SAAL1: variants seen among roughly 807,000 people sequenced by gnomAD.
SAAL1 encodes serum amyloid A like 1.
A neutral mutation model predicts 59.8 loss-of-function variants in SAAL1; 42 were observed. That is an observed-to-expected ratio of 0.70 (90% CI 0.55 to 0.91). The LOEUF (loss-of-function observed/expected upper bound fraction) is 0.91, where lower values mean the gene tolerates loss of function less well. SAAL1 is among the 40% of genes least tolerant of loss of function. The probability of loss-of-function intolerance (pLI) is 0.00; values close to 1 mark genes in which losing one functional copy is unlikely to be tolerated. For missense variants in SAAL1, 542 were observed against 561.1 expected (o/e 0.97, Z 0.34); for synonymous variants, 191 against 194.3 (o/e 0.98, Z 0.14).
At position 18,103,271 on chromosome 11, in the gene SAAL1, T is replaced by C; in HGVS notation, c.211A>G (p.Asn71Asp). ...QLTELDEEME[N>D]EICRVWDMSM... ...ATATCCCATACTCTGCAAATTTCAT[T>C]CTCCATTTCTTCATCAAGCTCCGTC... is the stretch of plus-strand genomic sequence containing the variant. Residue 71 changes from asparagine to aspartate, a missense_variant, in exon 2 of 12, where the codon AAT becomes GAT. By Grantham distance (23) the Asn-to-Asp change is conservative. Transcript: ENST00000524803. 1 of 1,614,014 alleles carries C rather than the reference T, an allele frequency of 6.2e-7. No homozygotes were observed. The highest frequency in any genetic ancestry group is 1.1e-5 in the South Asian group (1 of 91,080).
intron 4 of SAAL1, 165 bp from the exon 5 acceptor site, chr11:18,090,658 C>A: frequency 4.0e-6 from 3 of 750,392 alleles, no homozygotes; most frequent in Non-Finnish European, 6.1e-6. Flanking sequence ...AGCAAACACT[C>A]GTGTTTCCAA....
chr11:18,081,624 C>G, intron 10 of SAAL1, 121 bp from the exon 11 acceptor site: 1 of 708,102 alleles, frequency 1.4e-6, no homozygotes, highest in Admixed American at 2.3e-5. Context: ...AAATGTCCCA[C>G]CTGAACCCAC....
At position 18,106,026 on chromosome 11, in the gene SAAL1, AG is replaced by A; in HGVS notation, c.15del (p.Ser6ArgfsTer21). On this transcript the variant is annotated frameshift_variant, in exon 1 of 12. Coordinates refer to ENST00000524803, the MANE Select transcript of SAAL1 (RefSeq NM_138421.3). LOFTEE classifies it high-confidence loss of function. ...TTGTCGCGACCCGGCGGCGGCGGCG[AG>A]GGGTTGCGGTCCATGACTTTGTCGC... MDRN[P>X]SPPPPGRDKE... is the part of the protein sequence containing the mutation. 2 of 1,548,270 alleles carry A rather than the reference AG, an allele frequency of 1.3e-6. No individual in the cohort carries two copies. Among genetic ancestry groups the A allele is most frequent in the Non-Finnish European group, 1.8e-6 (2 of 1,138,232 alleles).
intron 3 of SAAL1, among the ~76,000 whole-genome samples, chr11:18,094,251 T>C (rs1848550792): frequency 6.6e-6 from 1 of 152,144 alleles, no homozygotes; most frequent in Admixed American, 6.5e-5. Flanking sequence ...CAGGTTTGAA[T>C]GTGTGGGTCC....
intron 9 of SAAL1, among the ~76,000 whole-genome samples, chr11:18,085,108 C>T (rs1455077428): frequency 6.6e-6 from 1 of 152,130 alleles, no homozygotes; most frequent in Non-Finnish European, 1.5e-5. Context: ...AACAATGGAA[C>T]TCTAGGATTA....
chr11:18,103,875 T>G (rs575332047), intron 1 of SAAL1, among the ~76,000 whole-genome samples: 1 of 152,320 alleles, frequency 6.6e-6, no homozygotes, highest in South Asian at 2.1e-4. Context: ...GACTGTACAG[T>G]AGTAAGAGGT....
Position 18,089,526 on chromosome 11 carries a change from CAG to C in SAAL1, c.590-18_590-17del, listed in dbSNP as rs1471056906. Reference sequence around the variant, plus strand: ...AGCAAGTCAACTGCAGAGAATAAAACAGATATTGAAATGAAAAACAAACTGCT... The same window carrying C: ...AGCAAGTCAACTGCAGAGAATAAAACATATTGAAATGAAAAACAAACTGCT... On this transcript the variant is annotated splice_polypyrimidine_tract_variant and intron_variant, in intron 6 of 11. Transcript: ENST00000524803. 1.3e-6 allele frequency: 2 copies of C among 1,594,696 alleles called. No individual in the cohort carries two copies. Among genetic ancestry groups the C allele is most frequent in the Admixed American group, 3.7e-5 (2 of 53,884 alleles).
At chr11:18,085,078 T>C (rs1432050061) in intron 9 of SAAL1, among the ~76,000 whole-genome samples, 2 of 152,178 alleles carry the variant, frequency 1.3e-5, no homozygotes, top group African/African-American at 4.8e-5. Flanking sequence ...AAAACATATA[T>C]CTTATACCCA....
chr11:18,087,541 T>A (rs1165883163), intron 7 of SAAL1, among the ~76,000 whole-genome samples: 1 of 152,218 alleles, frequency 6.6e-6, no homozygotes, highest in Non-Finnish European at 1.5e-5. Flanking sequence ...TTGGTTTGCT[T>A]GAATAATCAG....
chr11:18,092,220 A>T, intron 4 of SAAL1, 25 bp downstream of exon 4: 1 of 1,227,678 alleles, frequency 8.1e-7, no homozygotes, highest in Non-Finnish European at 1.2e-6. Context: ...TATATTAAAA[A>T]ACATAATTAT....
chr11:18,083,295 A>T (rs990824833), intron 10 of SAAL1: 1 of 289,238 alleles, frequency 3.5e-6, no homozygotes, highest in African/African-American at 2.1e-5. Flanking sequence ...GTTAAAGTAT[A>T]TGAAAAATGC....
intron 9 of SAAL1, among the ~76,000 whole-genome samples, chr11:18,086,063 T>C (rs934431046): frequency 2.0e-5 from 3 of 152,236 alleles, no homozygotes; most frequent in African/African-American, 4.8e-5. Context: ...TATATGTGCA[T>C]GTGTGGGATG....
chr11:18,088,624 T>C (rs1044717292), intron 7 of SAAL1, among the ~76,000 whole-genome samples: 1 of 152,236 alleles, frequency 6.6e-6, no homozygotes, highest in East Asian at 1.9e-4. Context: ...TTGACTGCAA[T>C]GGGAAAATAC....
Position 18,083,580 on chromosome 11 carries a change from A to T in SAAL1, c.1194T>A (p.Asp398Glu). Residue 398 changes from aspartate to glutamate, a missense_variant, in exon 10 of 12, where the codon GAT (aspartate) becomes GAA (glutamate). Coordinates refer to ENST00000524803, the MANE Select transcript of SAAL1 (RefSeq NM_138421.3). ...TATTAGAAAGAAATTCACATAAAAT[A>T]TCCTTTAAGATTTTCAAGTGGAAAT... The part of the protein sequence containing the change: ...QDDFHLKILK[D>E]ILCEFLSNIF... 6.3e-7 allele frequency: 1 copy of T among 1,594,010 alleles called. No individual in the cohort carries two copies. The highest frequency in any genetic ancestry group is 1.1e-5 in the South Asian group (1 of 89,990).
chr11:18,082,318 C>T (rs1564868999), intron 10 of SAAL1, among the ~76,000 whole-genome samples: 1 of 152,086 alleles, frequency 6.6e-6, no homozygotes, highest in African/African-American at 2.4e-5. Context: ...CATACGACAT[C>T]CAAATATTTC....
chr11:18,101,772 T>C (rs1003758243), intron 2 of SAAL1, among the ~76,000 whole-genome samples: 1 of 140,058 alleles, frequency 7.1e-6, no homozygotes, highest in African/African-American at 2.7e-5. Context: ...CATCAACAGG[T>C]AAAAAATAAA....
intron 6 of SAAL1, among the ~76,000 whole-genome samples, chr11:18,089,958 G>C (rs931258805): frequency 1.3e-5 from 2 of 152,098 alleles, no homozygotes; most frequent in African/African-American, 4.8e-5. Context: ...ATTAACAGAA[G>C]GATACCTTGA....
chr11:18,089,216 G>T lies in SAAL1; in HGVS notation c.770+114C>A, dbSNP rs562313495. ...TAGTAGTAGTGAATTAACGTAACAA[G>T]GAGTGACTATGTACTTTATTCTGTT... On this transcript the variant is annotated intron_variant, in intron 7 of 11. Coordinates refer to ENST00000524803, the MANE Select transcript of SAAL1 (RefSeq NM_138421.3). 132 of 878,404 alleles carry T rather than the reference G, an allele frequency of 1.5e-4. No individual in the cohort carries two copies. The African/African-American group carries it at 2.1e-3, about 14-fold the overall frequency. The allele number at this position is 878,404 out of a possible 1,614,324, so 54.4% of individuals were successfully genotyped here. A position where few individuals can be genotyped will look rare whatever the true frequency, so the allele number is the denominator to read the frequency against.
intron 2 of SAAL1, 85 bp from the exon 3 acceptor site, chr11:18,096,939 A>T: frequency 2.6e-6 from 2 of 762,690 alleles, no homozygotes; most frequent in Non-Finnish European, 4.4e-6. Flanking sequence ...ATTCTATATT[A>T]AAATTAGAAT....
Sources: allele counts gnomAD v4.1 joint callset (sites outside exome capture counted in the v4.1 genomes callset), GRCh38; gene constraint gnomAD v4.1.1; transcripts MANE v1.5; gene names NCBI Gene and HGNC (gene_info 2026-07-23, HGNC 2026-07-21).